Variants in COL9A1 observed in about 807,000 individuals in gnomAD.
The protein encoded by COL9A1 is collagen type IX alpha 1 chain.
Under a neutral mutation model 142.6 loss-of-function variants are expected in COL9A1, and 104 were observed. That is an observed-to-expected ratio of 0.73 (90% CI 0.62 to 0.86). The LOEUF (loss-of-function observed/expected upper bound fraction) is 0.86. Among genes scored for constraint, COL9A1 ranks in the 40% least tolerant of loss-of-function variants. The pLI is 0.00. For synonymous variants in COL9A1, 466 were observed against 396.0 expected, an observed-to-expected ratio of 1.18 and a Z score of -2.10; for missense variants, 1,210 against 1,176.6, an observed-to-expected ratio of 1.03 and a Z score of -0.42.
intron 2 of COL9A1, 83 bp downstream of exon 2, chr6:70,301,918 C>T (rs1203591631): frequency 3.9e-5 from 44 of 1,118,786 alleles, no homozygotes; most frequent in Non-Finnish European, 5.1e-5. Context: ...GAATGCCTCA[C>T]TCAGTCTTCA....
chr6:70,295,426 A>G (rs1048105928), intron 4 of COL9A1, among the ~76,000 whole-genome samples: 1 of 150,562 alleles, frequency 6.6e-6, no homozygotes, highest in African/African-American at 2.4e-5. Context: ...AGGTGGGATT[A>G]CAGGCGCCCA....
chr6:70,252,251 TG>T lies in COL9A1; in HGVS notation c.1818+10del, dbSNP rs746084893. 6.2e-7 allele frequency: 1 copy of T among 1,614,114 alleles called. No individual in the cohort carries two copies. The highest frequency in any genetic ancestry group is 1.1e-5 in the South Asian group (1 of 91,078). On this transcript the variant is annotated intron_variant, in intron 27 of 37. Transcript: ENST00000357250. ...GGTTAGAACTTCAGGAGAGGTAAAA[TG>T]GTGTCTTACCGGTTTGCCTGAATTT...
chr6:70,299,930 T>C, intron 4 of COL9A1, 113 bp downstream of exon 4: 1 of 1,037,078 alleles, frequency 9.6e-7, no homozygotes, highest in Non-Finnish European at 1.5e-6. Context: ...CATCTTTAAA[T>C]ACAATTATAA....
chr6:70,243,203 A>G (rs1331009677), intron 28 of COL9A1, among the ~76,000 whole-genome samples: 1 of 152,226 alleles, frequency 6.6e-6, no homozygotes, highest in Non-Finnish European at 1.5e-5. Flanking sequence ...TTAAATTACT[A>G]TTGCAACTTC....
chr6:70,230,563 C>T (rs1051523268), intron 36 of COL9A1, among the ~76,000 whole-genome samples: 1 of 152,182 alleles, frequency 6.6e-6, no homozygotes, highest in Non-Finnish European at 1.5e-5. Flanking sequence ...AGTGCTAGAG[C>T]CATTTCCCAG....
intron 16 of COL9A1, among the ~76,000 whole-genome samples, chr6:70,269,417 T>C (rs192339382): frequency 1.1e-3 from 162 of 152,292 alleles, no homozygotes; most frequent in African/African-American, 3.4e-3. Context: ...AGTAAAAAGA[T>C]CATAAAAGAA....
chr6:70,267,327 G>GTTTTTTTGTTTTT (rs1554241915), intron 17 of COL9A1, among the ~76,000 whole-genome samples: 2 of 127,032 alleles, frequency 1.6e-5, no homozygotes, highest in African/African-American at 5.9e-5. Context: ...TGGTTTTTTT[G>GTTTTTTTGTTTTT]TTTTTTTTTT....
intron 5 of COL9A1, among the ~76,000 whole-genome samples, chr6:70,286,887 G>A (rs495823): frequency 0.58 from 88,551 of 152,102 alleles, 26,687 homozygotes; most frequent in East Asian, 0.96. Flanking sequence ...TTAGTAGACC[G>A]GAGACATGCT....
intron 35 of COL9A1, among the ~76,000 whole-genome samples, chr6:70,233,000 T>A (rs1291141140): frequency 6.6e-6 from 1 of 152,134 alleles, no homozygotes; most frequent in African/African-American, 2.4e-5. Context: ...CCTGTTGTTC[T>A]GAGACAGAGT....
chr6:70,268,976 A>G, intron 16 of COL9A1, 116 bp from the exon 17 acceptor site: 2 of 781,432 alleles, frequency 2.6e-6, no homozygotes, highest in Non-Finnish European at 4.4e-6. Flanking sequence ...CTCCATTGCA[A>G]TAATATTCAT....
intron 13 of COL9A1, 107 bp downstream of exon 13, chr6:70,271,958 A>G: frequency 8.6e-7 from 1 of 1,163,878 alleles, no homozygotes; most frequent in South Asian, 1.3e-5. Context: ...CAGGTAGAAC[A>G]CTGTAAACAC....
intron 17 of COL9A1, among the ~76,000 whole-genome samples, chr6:70,267,365 C>T: frequency 7.1e-6 from 1 of 139,900 alleles, no homozygotes; most frequent in African/African-American, 2.7e-5. Context: ...TCTTGTTGCT[C>T]AGGCTGGAGT....
chr6:70,252,086 G>A (rs1193323499), intron 28 of COL9A1, 34 bp downstream of exon 28: 1 of 1,605,986 alleles, frequency 6.2e-7, no homozygotes, highest in Non-Finnish European at 8.5e-7. Flanking sequence ...GTCCTGAGAA[G>A]GTGCTTTAGG....
chr6:70,287,023 C>A (rs568674297), intron 5 of COL9A1, among the ~76,000 whole-genome samples: 1 of 152,240 alleles, frequency 6.6e-6, no homozygotes, highest in South Asian at 2.1e-4. Context: ...ATGATAAATA[C>A]TATAGCAGTG....
chr6:70,221,995 T>C (rs1298145975), intron 37 of COL9A1, among the ~76,000 whole-genome samples: 1 of 152,146 alleles, frequency 6.6e-6, no homozygotes, highest in Admixed American at 6.5e-5. Context: ...TGGGACATGC[T>C]CAATTCACAT....
chr6:70,226,082 G>C lies in COL9A1; in HGVS notation c.2504-73C>G. Reference sequence around the variant, plus strand: ...AAACTTCCGCATCTTTAAACTTTCAGCAAATCTAAAATTCAGAAACCAAAA... The same window carrying C: ...AAACTTCCGCATCTTTAAACTTTCACCAAATCTAAAATTCAGAAACCAAAA... On this transcript the variant is annotated intron_variant, in intron 36 of 37. Transcript: ENST00000357250. The C allele has an allele frequency of 2.2e-6, 3 of 1,354,144 alleles. No homozygotes were observed. In the South Asian group the frequency reaches 3.6e-5, roughly 16 times the overall value. The allele number at this position is 1,354,144 out of a possible 1,614,324, so 83.9% of individuals were successfully genotyped here.
Position 70,280,851 on chromosome 6 carries a change from C to T in COL9A1, c.936G>A (p.Lys312=), listed in dbSNP as rs886061698. ...GPPGPAGEPG[K]PGAPGKPGTP... ...TGCCAGGCTTGCCTGGAGCTCCTGG[C>T]TTTCCCGGTTCACCTGCAGGACCCT... The change falls in exon 10 of 38, where the codon AAG becomes AAA. Residue 312 remains lysine, a synonymous_variant. Transcript: ENST00000357250. 4 of 1,613,322 alleles carry T rather than the reference C, an allele frequency of 2.5e-6. No individual in the cohort carries two copies. The highest frequency in any genetic ancestry group is 1.1e-5 in the South Asian group (1 of 90,988).
At chr6:70,230,233 T>C (rs1769462501) in intron 36 of COL9A1, among the ~76,000 whole-genome samples, 1 of 152,230 alleles carries the variant, frequency 6.6e-6, no homozygotes, top group African/African-American at 2.4e-5. Flanking sequence ...CCTGTTAATG[T>C]ATGTGGTGGG....
intron 37 of COL9A1, 37 bp downstream of exon 37, chr6:70,225,895 T>C: frequency 6.5e-7 from 1 of 1,534,372 alleles, no homozygotes; most frequent in Non-Finnish European, 9.0e-7. Context: ...GCTACCAATT[T>C]CGCTACCTCC....
Sources: gnomAD v4.1 joint callset for allele counts (sites outside exome capture counted in the v4.1 genomes callset) on GRCh38, gnomAD v4.1.1 for gene constraint, MANE v1.5 for transcripts, NCBI Gene and HGNC (gene_info 2026-07-23, HGNC 2026-07-21) for gene names.